Variants in PSPH observed in about 807,000 individuals in gnomAD.
The protein encoded by PSPH is phosphoserine phosphatase.
Under a neutral mutation model 23.4 loss-of-function variants are expected in PSPH, and 16 were observed. The observed-to-expected ratio is 0.68, with a 90% confidence interval of 0.46 to 1.04. The LOEUF is 1.04. PSPH is among the 50% of genes least tolerant of loss of function. The pLI is 0.00. For missense variants in PSPH, 223 were observed against 273.7 expected (o/e 0.81, Z 1.31); for synonymous variants, 68 against 99.7 (o/e 0.68, Z 1.89).
intron 1 of PSPH, among the ~76,000 whole-genome samples, chr7:56,035,790 T>C (rs1231187821): frequency 1.3e-5 from 2 of 152,006 alleles, no homozygotes; most frequent in Non-Finnish European, 2.9e-5. Context: ...CAGCTAATTT[T>C]TGTATTTTTA....
intron 5 of PSPH, among the ~76,000 whole-genome samples, chr7:56,018,369 CA>C (rs1266560075): frequency 1.3e-5 from 2 of 150,122 alleles, no homozygotes; most frequent in Admixed American, 1.3e-4. Context: ...AAAAAAAAAA[CA>C]ATGGGTAGGG....
At chr7:56,031,265 C>T (rs2116907754) in intron 3 of PSPH, among the ~76,000 whole-genome samples, 1 of 151,786 alleles carries the variant, frequency 6.6e-6, no homozygotes, top group African/African-American at 2.4e-5. Context: ...AAACTGAGGA[C>T]TACAAGAAGG....
At chr7:56,030,002 A>G (rs1456106444) in intron 3 of PSPH, among the ~76,000 whole-genome samples, 2 of 151,832 alleles carry the variant, frequency 1.3e-5, no homozygotes, top group Non-Finnish European at 2.9e-5. Context: ...GAAAAAAAAA[A>G]AAAAGAATAC....
At chr7:56,037,706 A>ATTTTTTT (rs71015167) in intron 1 of PSPH, among the ~76,000 whole-genome samples, 8 of 115,318 alleles carry the variant, frequency 6.9e-5, no homozygotes, top group African/African-American at 9.8e-5. Flanking sequence ...AAGCTAACAA[A>ATTTTTTT]TTTTTTTTTT....
chr7:56,045,923 G>C (rs1047950768), intron 1 of PSPH, among the ~76,000 whole-genome samples: 1 of 149,890 alleles, frequency 6.7e-6, no homozygotes, highest in African/African-American at 2.4e-5. Context: ...CAAGTCTCCT[G>C]TGTCAGAGAC....
In PSPH at chr7:56,026,373, C is replaced by T. The variant is rs186447197; in HGVS notation, c.-19-5142G>A. On this transcript the variant is annotated intron_variant, in intron 3 of 7. Transcript: ENST00000275605. ...CACCTGTAATCCCAGCTACTTGGGA[C>T]GGAGAGGCGGGAGAACCGCTTGAAT... Among the ~76,000 whole-genome samples the T allele has an allele frequency of 2.1e-3, 315 of 147,260 alleles. 5 individuals are homozygous for T. Among genetic ancestry groups the T allele is most frequent in the Middle Eastern group, 3.5e-3 (1 of 284 alleles).
chr7:56,021,561 G>A (rs138265834), intron 3 of PSPH, among the ~76,000 whole-genome samples: 1 of 150,670 alleles, frequency 6.6e-6, no homozygotes, highest in South Asian at 2.1e-4. Context: ...TCAAATACCT[G>A]TGCCTCCTTG....
In PSPH at chr7:56,019,587, G is replaced by A; in HGVS notation, c.275+13C>T. 1 of 1,538,768 alleles carries A rather than the reference G, an allele frequency of 6.5e-7. No individual in the cohort carries two copies. The highest frequency in any genetic ancestry group is 8.8e-7 in the Non-Finnish European group (1 of 1,141,166). On this transcript the variant is annotated intron_variant, in intron 5 of 7. Transcript: ENST00000275605. ...TGGTGCTGAAATACACCTGGAGCCG[G>A]GGTTCCTCTTACCTTATGCCGGGGG...
chr7:56,019,412 CTGAG>C (rs1789005541), intron 5 of PSPH, among the ~76,000 whole-genome samples, 184 bp downstream of exon 5: 1 of 151,584 alleles, frequency 6.6e-6, no homozygotes, highest in Non-Finnish European at 1.5e-5. Flanking sequence ...GCACTCCAGC[CTGAG>C]TGACAGAGTG....
intron 1 of PSPH, among the ~76,000 whole-genome samples, chr7:56,040,243 T>A (rs1344839512): frequency 6.6e-6 from 1 of 152,096 alleles, no homozygotes; most frequent in Admixed American, 6.6e-5. Flanking sequence ...TTCACATGAA[T>A]AAAGGAAGTT....
intron 1 of PSPH, among the ~76,000 whole-genome samples, chr7:56,050,305 G>A (rs1793845553): frequency 6.6e-6 from 1 of 152,112 alleles, no homozygotes; most frequent in Non-Finnish European, 1.5e-5. Context: ...CAGCTCCGTA[G>A]CCCAGGCTGA....
At chr7:56,014,125 T>A (rs1024732383) in intron 7 of PSPH, among the ~76,000 whole-genome samples, 1 of 152,044 alleles carries the variant, frequency 6.6e-6, no homozygotes, top group Non-Finnish European at 1.5e-5. Flanking sequence ...TGAGACTCTA[T>A]CTAAGAAAAA....
In PSPH at chr7:56,041,090, A is replaced by C. The variant is rs1459603010; in HGVS notation, c.-291-6984T>G. 5.3e-5 allele frequency among the ~76,000 whole-genome samples: 8 copies of C among 152,188 alleles called. No homozygotes were observed. The East Asian group carries it at 1.4e-3, about 26-fold the overall frequency. On this transcript the variant is annotated intron_variant, in intron 1 of 7. Transcript: ENST00000275605. ...TCTCCAACATTCTGTTTTGGCCAGC[A>C]CAGAAGCTCACGCCTGTAATCCAAA...
At chr7:56,028,466 A>C (rs1441736529) in intron 3 of PSPH, among the ~76,000 whole-genome samples, 1 of 152,108 alleles carries the variant, frequency 6.6e-6, no homozygotes, top group Non-Finnish European at 1.5e-5. Flanking sequence ...TCCTGGCCTC[A>C]AATGATCCTC....
At chr7:56,040,417 G>T (rs982532801) in intron 1 of PSPH, among the ~76,000 whole-genome samples, 1 of 151,820 alleles carries the variant, frequency 6.6e-6, no homozygotes, top group Non-Finnish European at 1.5e-5. Flanking sequence ...TTGGGACAGG[G>T]TCTGGCTCTG....
chr7:56,048,781 GCCA>G (rs1793581547), intron 1 of PSPH, among the ~76,000 whole-genome samples: 1 of 146,890 alleles, frequency 6.8e-6, no homozygotes, highest in Non-Finnish European at 1.5e-5. Context: ...ACAGGCGTGT[GCCA>G]CCACACCTGG....
At chr7:56,016,616 C>CT (rs1788598416) in intron 6 of PSPH, among the ~76,000 whole-genome samples, 1 of 151,880 alleles carries the variant, frequency 6.6e-6, no homozygotes, top group Admixed American at 6.6e-5. Flanking sequence ...GTCACCCAGG[C>CT]TGGAAGTGCA....
chr7:56,036,164 T>C (rs1326637101), intron 1 of PSPH, among the ~76,000 whole-genome samples: 3 of 151,660 alleles, frequency 2.0e-5, no homozygotes, highest in African/African-American at 4.8e-5. Context: ...GAGGCAGAGG[T>C]TGCAGTGAGC....
intron 3 of PSPH, among the ~76,000 whole-genome samples, chr7:56,029,974 A>T (rs1170907378): frequency 7.2e-6 from 1 of 139,678 alleles, no homozygotes; most frequent in Non-Finnish European, 1.6e-5. Context: ...GCGAGACTCC[A>T]TCTCAAAAAA....
Sources: allele counts gnomAD v4.1 joint callset (sites outside exome capture counted in the v4.1 genomes callset), GRCh38; gene constraint gnomAD v4.1.1; transcripts MANE v1.5; gene names NCBI Gene and HGNC (gene_info 2026-07-23, HGNC 2026-07-21).